The following HAPLN1 variants were observed in gnomAD, a reference collection of about 807,000 sequenced individuals.
HAPLN1 encodes the protein Cartilage link protein.
HAPLN1 carries 13 observed loss-of-function variants against 36.5 expected under a neutral mutation model. That is an observed-to-expected ratio of 0.36 (90% confidence interval 0.23 to 0.57). The LOEUF (loss-of-function observed/expected upper bound fraction) is 0.57, where lower values mean the gene tolerates loss of function less well. HAPLN1 is among the 20% of genes least tolerant of loss of function. HAPLN1 has a pLI of 0.83. For synonymous variants in HAPLN1, 202 were observed against 169.8 expected, an observed-to-expected ratio of 1.19 and a Z score of -1.48; for missense variants, 407 against 439.7, an observed-to-expected ratio of 0.93 and a Z score of 0.66.
intron 1 of HAPLN1, among the ~76,000 whole-genome samples, chr5:83,677,309 C>G (rs1427731606): frequency 6.6e-6 from 1 of 152,172 alleles, no homozygotes; most frequent in East Asian, 1.9e-4. Flanking sequence ...AGTGTTACCC[C>G]AGAGACGCAT....
chr5:83,667,002 C>T (rs1750568071), intron 2 of HAPLN1, among the ~76,000 whole-genome samples: 1 of 152,136 alleles, frequency 6.6e-6, no homozygotes, highest in African/African-American at 2.4e-5. Context: ...TTTCTGTTAC[C>T]ATGATTAATA....
chr5:83,679,580 T>G (rs1009273023), intron 1 of HAPLN1, among the ~76,000 whole-genome samples: 1 of 152,206 alleles, frequency 6.6e-6, no homozygotes, highest in Non-Finnish European at 1.5e-5. Flanking sequence ...TTCATATTTA[T>G]TACATTATAT....
chr5:83,695,146 A>G (rs945057260), intron 1 of HAPLN1, among the ~76,000 whole-genome samples: 11 of 152,138 alleles, frequency 7.2e-5, no homozygotes, highest in Admixed American at 1.3e-4. Flanking sequence ...TATTTTTGAA[A>G]TGGAGTCTCA....
At chr5:83,678,064 T>G (rs1026324377) in intron 1 of HAPLN1, among the ~76,000 whole-genome samples, 1 of 152,146 alleles carries the variant, frequency 6.6e-6, no homozygotes, top group Non-Finnish European at 1.5e-5. Flanking sequence ...TGCTCAAATT[T>G]GAGACCCACT....
At chr5:83,646,183 A>G (rs1280825903) in intron 3 of HAPLN1, among the ~76,000 whole-genome samples, 1 of 152,258 alleles carries the variant, frequency 6.6e-6, no homozygotes, top group African/African-American at 2.4e-5. Flanking sequence ...GACTTTGAAA[A>G]GGACTAATGT....
rs1749589780 is a variant in HAPLN1, at chr5:83,638,631, T to A, written c.*2865A>T. On this transcript the variant is annotated 3_prime_UTR_variant, in exon 5 of 5. Transcript: ENST00000274341. ...CAACCAAATTGTAATCTCCTTTGAG[T>A]CTACTTCTAATTGCCAAAATAAAAA... 6.6e-6 allele frequency: 1 copy of A among 152,158 alleles called. No individual in the cohort carries two copies. The highest frequency in any genetic ancestry group is 2.1e-4 in the South Asian group (1 of 4,826). The allele number at this position is 152,158 out of a possible 1,614,324, so 9.4% of individuals were successfully genotyped here. A position where few individuals can be genotyped will look rare whatever the true frequency, so the allele number is the denominator to read the frequency against.
In HAPLN1 at chr5:83,639,914, T is replaced by C. The variant is rs1349494089; in HGVS notation, c.*1582A>G. 1 of 152,130 alleles carries C rather than the reference T, an allele frequency of 6.6e-6. No individual in the cohort carries two copies. Among genetic ancestry groups the C allele is most frequent in the Non-Finnish European group, 1.5e-5 (1 of 67,946 alleles). 9.4% of individuals were successfully genotyped at this position (152,130 alleles called of 1,614,324 possible). On this transcript the variant is annotated 3_prime_UTR_variant, in exon 5 of 5. Transcript: ENST00000274341. ...GTTTCATGGACTTCCAATTGTTCTA[T>C]ACCTTCCACACACAGAACTCTATAG...
intron 2 of HAPLN1, among the ~76,000 whole-genome samples, chr5:83,657,795 C>T (rs1296709655): frequency 4.2e-5 from 6 of 143,658 alleles, no homozygotes; most frequent in Non-Finnish European, 7.6e-5. Context: ...TTTCCTAGAT[C>T]AATAATAATT....
intron 1 of HAPLN1, among the ~76,000 whole-genome samples, chr5:83,677,809 C>T (rs978771780): frequency 1.6e-4 from 24 of 152,140 alleles, no homozygotes; most frequent in African/African-American, 5.8e-4. Context: ...CTTGATTGAT[C>T]GTTATGGATA....
At chr5:83,672,979 G>T (rs1406031676) in intron 2 of HAPLN1, among the ~76,000 whole-genome samples, 5 of 151,924 alleles carry the variant, frequency 3.3e-5, no homozygotes, top group Non-Finnish European at 5.9e-5. Flanking sequence ...ATTATAATAG[G>T]GTAAACTACT....
intron 1 of HAPLN1, among the ~76,000 whole-genome samples, chr5:83,687,724 T>C (rs1238986149): frequency 1.3e-5 from 2 of 152,208 alleles, no homozygotes; most frequent in East Asian, 3.8e-4. Context: ...TATCTGTTAA[T>C]TGTAACATTT....
intron 1 of HAPLN1, among the ~76,000 whole-genome samples, chr5:83,694,545 TATA>T (rs1222063805): frequency 6.6e-6 from 1 of 152,012 alleles, no homozygotes; most frequent in Non-Finnish European, 1.5e-5. Context: ...GAATTATCAA[TATA>T]ATGAATGAAG....
At chr5:83,680,390 A>G (rs1190550047) in intron 1 of HAPLN1, among the ~76,000 whole-genome samples, 1 of 152,206 alleles carries the variant, frequency 6.6e-6, no homozygotes, top group African/African-American at 2.4e-5. Context: ...TATATATACT[A>G]ATAAATGCAG....
At chr5:83,683,846 T>G (rs1751059266) in intron 1 of HAPLN1, among the ~76,000 whole-genome samples, 1 of 152,116 alleles carries the variant, frequency 6.6e-6, no homozygotes, top group Non-Finnish European at 1.5e-5. Context: ...CATATAAATG[T>G]CATGGGAAAT....
chr5:83,683,222 C>T (rs565678626), intron 1 of HAPLN1, among the ~76,000 whole-genome samples: 1 of 152,144 alleles, frequency 6.6e-6, no homozygotes, highest in Non-Finnish European at 1.5e-5. Flanking sequence ...ACCAGCTCCA[C>T]GTCTCTCTCA....
intron 1 of HAPLN1, among the ~76,000 whole-genome samples, chr5:83,688,548 A>C (rs1751191033): frequency 6.6e-6 from 1 of 151,944 alleles, no homozygotes; most frequent in Non-Finnish European, 1.5e-5. Flanking sequence ...AATTAAATGC[A>C]CATGAAAAGC....
At chr5:83,689,356 A>G (rs533640275) in intron 1 of HAPLN1, among the ~76,000 whole-genome samples, 3 of 152,292 alleles carry the variant, frequency 2.0e-5, no homozygotes, top group Admixed American at 6.5e-5. Context: ...GAACATTTGC[A>G]TAATGAAGAT....
intron 1 of HAPLN1, among the ~76,000 whole-genome samples, chr5:83,715,518 C>G (rs1219552119): frequency 6.6e-6 from 1 of 152,216 alleles, no homozygotes; most frequent in Admixed American, 6.5e-5. Flanking sequence ...TTTGTGAACT[C>G]CTTGAGCCAA....
intron 1 of HAPLN1, among the ~76,000 whole-genome samples, chr5:83,702,966 C>T (rs1050813197): frequency 6.6e-6 from 1 of 152,154 alleles, no homozygotes; most frequent in Non-Finnish European, 1.5e-5. Flanking sequence ...CCTGCTTCAG[C>T]CTTTCAAAGT....
Sources: allele counts gnomAD v4.1 joint callset (sites outside exome capture counted in the v4.1 genomes callset), GRCh38; gene constraint gnomAD v4.1.1; transcripts MANE v1.5; gene names NCBI Gene and HGNC (gene_info 2026-07-23, HGNC 2026-07-21).